Variants in UPK3A observed in about 807,000 individuals in gnomAD.
UPK3A encodes uroplakin 3A, also known as uroplakin-3a.
In UPK3A, 32 loss-of-function variants were observed where a neutral mutation model predicts 27.6. The observed-to-expected ratio is 1.16, with a 90% CI of 0.87 to 1.55. UPK3A has a LOEUF of 1.55. Among genes scored for constraint, UPK3A ranks in the 40% most tolerant of loss-of-function variants. UPK3A has a pLI of 0.00. For synonymous variants in UPK3A, 171 were observed against 163.9 expected (o/e 1.04, Z -0.33); for missense variants, 370 against 367.9 (o/e 1.01, Z -0.05).
At chr22:45,286,832 G>A (rs888950566) in intron 2 of UPK3A, among the ~76,000 whole-genome samples, 5 of 152,162 alleles carry the variant, frequency 3.3e-5, no homozygotes, top group Admixed American at 2.0e-4. Context: ...CTGCCTCCAC[G>A]TTATTTCCCT....
At chr22:45,290,452 C>T (rs934870877) in intron 4 of UPK3A, among the ~76,000 whole-genome samples, 9 of 151,952 alleles carry the variant, frequency 5.9e-5, no homozygotes, top group South Asian at 2.1e-4. Flanking sequence ...TGTGAGTGCC[C>T]GTGCCTGTTG....
In UPK3A at chr22:45,295,792, C is replaced by T. The variant is rs534707412; in HGVS notation, c.*73C>T. 2.2e-4 allele frequency: 340 copies of T among 1,577,942 alleles called. 2 individuals are homozygous for T. Among genetic ancestry groups the T allele is most frequent in the Middle Eastern group, 9.5e-4 (5 of 5,258 alleles). On this transcript the variant is annotated 3_prime_UTR_variant, in exon 6 of 6. Coordinates refer to ENST00000216211, the MANE Select transcript of UPK3A (RefSeq NM_006953.4). ...CCAGGCCCTGCAGCGGTGGTTGTCA[C>T]ACCCTGACTTCAGGGAAGGTGAAAC...
intron 3 of UPK3A, 39 bp from the exon 4 acceptor site, chr22:45,289,022 A>G: frequency 6.2e-7 from 1 of 1,606,240 alleles, no homozygotes; most frequent in Non-Finnish European, 8.5e-7. Flanking sequence ...TGGGGCTCAC[A>G]GGAAGCATAA....
intron 3 of UPK3A, among the ~76,000 whole-genome samples, chr22:45,288,022 C>A (rs1644166797): frequency 6.6e-6 from 1 of 152,024 alleles, no homozygotes; most frequent in African/African-American, 2.4e-5. Context: ...GCTCTGGGGC[C>A]CACAGATTAT....
intron 4 of UPK3A, among the ~76,000 whole-genome samples, chr22:45,289,472 G>A (rs2084143838): frequency 6.6e-6 from 1 of 151,942 alleles, no homozygotes; most frequent in Non-Finnish European, 1.5e-5. Flanking sequence ...CAGCTACTCG[G>A]GAGGCTAAGG....
rs1192082850 is a variant in UPK3A, at chr22:45,285,013, G to A, written c.-1G>A. The A allele has an allele frequency of 3.9e-6, 6 of 1,531,274 alleles. No individual in the cohort carries two copies. The highest frequency in any genetic ancestry group is 2.6e-6 in the Non-Finnish European group (3 of 1,145,634). The allele number at this position is 1,531,274 out of a possible 1,614,324, so 94.9% of individuals were successfully genotyped here. A position where few individuals can be genotyped will look rare whatever the true frequency, so the allele number is the denominator to read the frequency against. On this transcript the variant is annotated 5_prime_UTR_variant, in exon 1 of 6. Coordinates refer to ENST00000216211, the MANE Select transcript of UPK3A (RefSeq NM_006953.4). ...CGCGCTCTGGCGGCTCCTCCCGGGC[G>A]ATGCCTCCGCTCTGGGCCCTGCTGG...
chr22:45,295,428 A>C, intron 5 of UPK3A, 132 bp from the exon 6 acceptor site: 1 of 1,004,770 alleles, frequency 1.0e-6, no homozygotes, highest in East Asian at 2.4e-5. Flanking sequence ...AGAAAGATGG[A>C]TTGATTGAAT....
At chr22:45,286,191 T>C in intron 2 of UPK3A, 95 bp downstream of exon 2, 1 of 1,508,212 alleles carries the variant, frequency 6.6e-7, no homozygotes, top group Non-Finnish European at 9.0e-7. Flanking sequence ...CCTCCATGCC[T>C]GTAGTCGTCT....
intron 1 of UPK3A, 152 bp downstream of exon 1, chr22:45,285,217 C>T: frequency 2.7e-6 from 2 of 736,724 alleles, no homozygotes; most frequent in Non-Finnish European, 4.3e-6. Flanking sequence ...CGGGCCTCCT[C>T]TGTTGGGAAT....
In UPK3A at chr22:45,288,920, G is replaced by T. The variant is rs2084138859; in HGVS notation, c.489-141G>T. On this transcript the variant is annotated intron_variant, in intron 3 of 5. Coordinates refer to ENST00000216211, the MANE Select transcript of UPK3A (RefSeq NM_006953.4). ...TGTCCTGTTGCCCAGAGCCCGCTCA[G>T]TAGCCGTCTACATTTCCGTCTCCTG... is the stretch of plus-strand genomic sequence containing the variant. 3 of 787,160 alleles carry T rather than the reference G, an allele frequency of 3.8e-6. No individual in the cohort carries two copies. The Admixed American group carries it at 5.9e-5, about 16-fold the overall frequency. 48.8% of individuals were successfully genotyped at this position (787,160 alleles called of 1,614,324 possible).
At chr22:45,285,793 G>A in intron 1 of UPK3A, 148 bp from the exon 2 acceptor site, 1 of 1,111,606 alleles carries the variant, frequency 9.0e-7, no homozygotes, top group Non-Finnish European at 1.3e-6. Flanking sequence ...GACTGGGCAG[G>A]GGGCAGTGTC....
intron 1 of UPK3A, 152 bp from the exon 2 acceptor site, chr22:45,285,789 G>A: frequency 9.3e-7 from 1 of 1,077,736 alleles, no homozygotes; most frequent in Non-Finnish European, 1.4e-6. Flanking sequence ...GGATGACTGG[G>A]CAGGGGGCAG....
At chr22:45,292,449 A>T (rs1443334072) in intron 4 of UPK3A, among the ~76,000 whole-genome samples, 1 of 152,138 alleles carries the variant, frequency 6.6e-6, no homozygotes, top group African/African-American at 2.4e-5. Flanking sequence ...CCTATACATC[A>T]TCTGTTCACA....
In UPK3A at chr22:45,286,013, T is replaced by G. The variant is rs1259905435; in HGVS notation, c.125T>G (p.Leu42Trp). The G allele has an allele frequency of 6.2e-6, 10 of 1,614,022 alleles. No individual in the cohort carries two copies. Among genetic ancestry groups the G allele is most frequent in the Non-Finnish European group, 7.6e-6 (9 of 1,180,006 alleles). ...AACCCCACACTTACCACTGTGGCCT[T>G]GGAAAAGCCTCTCTGCATGTTTGAC... The part of the protein sequence containing the change: ...TNNPTLTTVA[L>W]EKPLCMFDSK... The change falls in exon 2 of 6, where the codon TTG becomes TGG. Residue 42 changes from leucine to tryptophan, a missense_variant. Physicochemically the swap from Leu to Trp is moderately conservative, Grantham distance 61. Coordinates refer to ENST00000216211, the MANE Select transcript of UPK3A (RefSeq NM_006953.4).
chr22:45,285,846 G>A (rs1398516767), intron 1 of UPK3A, 95 bp from the exon 2 acceptor site: 6 of 1,571,644 alleles, frequency 3.8e-6, no homozygotes, highest in South Asian at 1.1e-5. Flanking sequence ...GTGAAGCCCA[G>A]GGCCTGGCAC....
intron 1 of UPK3A, among the ~76,000 whole-genome samples, 154 bp downstream of exon 1, chr22:45,285,219 G>C (rs1259753224): frequency 6.6e-6 from 1 of 152,254 alleles, no homozygotes; most frequent in South Asian, 2.1e-4. Flanking sequence ...GGCCTCCTCT[G>C]TTGGGAATCC....
chr22:45,285,431 C>T lies in UPK3A; in HGVS notation c.52+366C>T, dbSNP rs149777993. On this transcript the variant is annotated intron_variant, in intron 1 of 5. Coordinates refer to ENST00000216211, the MANE Select transcript of UPK3A (RefSeq NM_006953.4). ...CAATATTGGGCTGTCCTGGGAACTG[C>T]CAGTCCATGGGACCAGCTGGAGCCT... Among the ~76,000 whole-genome samples the T allele has an allele frequency of 5.0e-3, 760 of 152,266 alleles. 5 individuals are homozygous for T. The highest frequency in any genetic ancestry group is 0.014 in the Middle Eastern group (4 of 294).
At chr22:45,288,084 TTC>T (rs2084132144) in intron 3 of UPK3A, among the ~76,000 whole-genome samples, 1 of 152,156 alleles carries the variant, frequency 6.6e-6, no homozygotes, top group Admixed American at 6.5e-5. Context: ...CCCAAACCCC[TTC>T]GTCTTACAGG....
rs1440887006 is a variant in UPK3A, at chr22:45,293,052, G to A, written c.572-129G>A. 2.2e-5 allele frequency: 30 copies of A among 1,352,928 alleles called. 1 individual carries two copies. The highest frequency in any genetic ancestry group is 9.9e-5 in the South Asian group (8 of 81,106). 83.8% of individuals were successfully genotyped at this position (1,352,928 alleles called of 1,614,324 possible). ...TTGTGCCTAAAACCTGAGAGAAGTC[G>A]CCCCACTGGGTCCCAGGGTCATCCC... On this transcript the variant is annotated intron_variant, in intron 4 of 5. Coordinates refer to ENST00000216211, the MANE Select transcript of UPK3A (RefSeq NM_006953.4).
Sources: gnomAD v4.1 joint callset for allele counts (sites outside exome capture counted in the v4.1 genomes callset) on GRCh38, gnomAD v4.1.1 for gene constraint, MANE v1.5 for transcripts, NCBI Gene and HGNC (gene_info 2026-07-23, HGNC 2026-07-21) for gene names.